Variants in C10orf90 observed in about 807,000 individuals in gnomAD.
C10orf90 encodes the protein chromosome 10 open reading frame 90, also known as (E2-independent) E3 ubiquitin-conjugating enzyme FATS.
In C10orf90, 56 loss-of-function variants were observed where a neutral mutation model predicts 62.5. The observed-to-expected ratio is 0.90, with a 90% CI of 0.72 to 1.12. The LOEUF (loss-of-function observed/expected upper bound fraction) is 1.12, where lower values mean the gene tolerates loss of function less well. Among genes scored for constraint, C10orf90 ranks in the 50% most tolerant of loss-of-function variants. The pLI is 0.00. For missense variants in C10orf90, 970 were observed against 880.4 expected (o/e 1.10, Z -1.29); for synonymous variants, 386 against 340.4 (o/e 1.13, Z -1.47).
At chr10:126,609,873 C>T (rs970398326) in intron 2 of C10orf90, among the ~76,000 whole-genome samples, 1 of 152,186 alleles carries the variant, frequency 6.6e-6, no homozygotes, top group Non-Finnish European at 1.5e-5. Context: ...TGTGATCTGA[C>T]TCCCAGTGTA....
intron 4 of C10orf90, among the ~76,000 whole-genome samples, chr10:126,468,311 C>T (rs1253934175): frequency 2.0e-5 from 3 of 152,190 alleles, no homozygotes; most frequent in Admixed American, 6.5e-5. Flanking sequence ...CCGTGATCTG[C>T]CTGCCTTGGC....
intron 2 of C10orf90, among the ~76,000 whole-genome samples, chr10:126,643,497 C>T (rs146035399): frequency 1.8e-3 from 268 of 152,336 alleles, no homozygotes; most frequent in African/African-American, 6.0e-3. Context: ...ACTAGCTCAT[C>T]ACCCCCAGGA....
At chr10:126,623,555 C>T (rs1295611370) in intron 2 of C10orf90, among the ~76,000 whole-genome samples, 1 of 152,098 alleles carries the variant, frequency 6.6e-6, no homozygotes. Context: ...ATGAGAGCTT[C>T]ATGAGGCTGG....
chr10:126,647,312 G>A (rs17155097), intron 1 of C10orf90, among the ~76,000 whole-genome samples: 3,578 of 152,282 alleles, frequency 0.023, 152 homozygotes, highest in African/African-American at 0.083. Flanking sequence ...GAGAGCAACT[G>A]TCCTGATGGT....
Position 126,504,260 on chromosome 10 carries a change from G to A in C10orf90, c.1231C>T (p.Pro411Ser). The A allele has an allele frequency of 6.2e-7, 1 of 1,614,150 alleles. No homozygotes were observed. Among genetic ancestry groups the A allele is most frequent in the Non-Finnish European group, 8.5e-7 (1 of 1,180,038 alleles). The change falls in exon 4 of 10, where the codon CCA (proline) becomes TCA (serine). Residue 411 changes from proline (P) to serine (S), a missense_variant. Pro to Ser is a moderately conservative substitution (Grantham distance 74). Coordinates refer to ENST00000488181, the MANE Select transcript of C10orf90 (RefSeq NM_001350921.2). The surrounding 1 kb of genome is among the most constrained non-coding windows in gnomAD (Gnocchi z 4.1). ...DGVDGLVNRE[P>S]ISEALKQELL... Reference sequence around the variant, plus strand: ...TCCTGCTTCAGGGCTTCGCTTATTGGCTCTCTGTTCACTAGGCCATCTACT... The same window carrying A: ...TCCTGCTTCAGGGCTTCGCTTATTGACTCTCTGTTCACTAGGCCATCTACT...
intron 2 of C10orf90, among the ~76,000 whole-genome samples, chr10:126,548,023 T>C (rs1458476835): frequency 1.3e-5 from 2 of 151,844 alleles, no homozygotes; most frequent in African/African-American, 4.8e-5. Flanking sequence ...ACCTACAAAT[T>C]TAAAAAGCTT....
chr10:126,443,543 AG>A (rs1046427592), intron 7 of C10orf90, among the ~76,000 whole-genome samples: 90 of 152,258 alleles, frequency 5.9e-4, no homozygotes, highest in African/African-American at 2.0e-3. Flanking sequence ...CAACACAGAA[AG>A]CCCAGGACCA....
chr10:126,494,857 G>A (rs1363073102), intron 4 of C10orf90, among the ~76,000 whole-genome samples: 1 of 152,224 alleles, frequency 6.6e-6, no homozygotes, highest in Non-Finnish European at 1.5e-5. Context: ...AGTGACAAAG[G>A]TTGTGTTCCC....
chr10:126,446,165 CT>C (rs200880811), intron 7 of C10orf90, among the ~76,000 whole-genome samples: 10 of 151,306 alleles, frequency 6.6e-5, no homozygotes, highest in East Asian at 3.9e-4. Context: ...AAAATAAAAT[CT>C]TTTTTTTTAA....
At chr10:126,577,598 C>T (rs1844653703) in intron 2 of C10orf90, among the ~76,000 whole-genome samples, 1 of 151,958 alleles carries the variant, frequency 6.6e-6, no homozygotes, top group Non-Finnish European at 1.5e-5. Context: ...TCCTTCTTTC[C>T]CAAGTTGATT....
At chr10:126,573,144 C>G (rs1844542104) in intron 2 of C10orf90, among the ~76,000 whole-genome samples, 1 of 152,118 alleles carries the variant, frequency 6.6e-6, no homozygotes, top group South Asian at 2.1e-4. Context: ...CAATTCCTGT[C>G]CCTTTTAAGG....
intron 2 of C10orf90, among the ~76,000 whole-genome samples, chr10:126,617,955 G>C (rs1845574589): frequency 6.6e-6 from 1 of 152,144 alleles, no homozygotes; most frequent in African/African-American, 2.4e-5. Flanking sequence ...GCTGGCTGTG[G>C]GCCATGGCTG....
intron 2 of C10orf90, among the ~76,000 whole-genome samples, chr10:126,597,408 C>T (rs150749858): frequency 2.0e-5 from 3 of 152,276 alleles, no homozygotes; most frequent in Non-Finnish European, 2.9e-5. Flanking sequence ...TGAGGAGCTG[C>T]GTGATTGGGG....
intron 2 of C10orf90, among the ~76,000 whole-genome samples, chr10:126,561,934 G>T (rs1055216835): frequency 2.0e-5 from 3 of 152,186 alleles, no homozygotes; most frequent in Non-Finnish European, 2.9e-5. Context: ...CAAAAGCTAT[G>T]ACCAGAAAGG....
chr10:126,526,444 C>T (rs1464432151), intron 2 of C10orf90, among the ~76,000 whole-genome samples: 3 of 152,054 alleles, frequency 2.0e-5, no homozygotes, highest in Non-Finnish European at 4.4e-5. Flanking sequence ...TGGGGTTTCA[C>T]CGTGTTAGCC....
At chr10:126,474,827 T>C (rs1384683572) in intron 4 of C10orf90, among the ~76,000 whole-genome samples, 3 of 152,190 alleles carry the variant, frequency 2.0e-5, no homozygotes, top group Admixed American at 1.3e-4. Flanking sequence ...CCTGTGAGGA[T>C]TCCACTCTGA....
chr10:126,429,644 G>A (rs1411845129), intron 8 of C10orf90, 143 bp downstream of exon 8: 22 of 647,420 alleles, frequency 3.4e-5, no homozygotes, highest in Admixed American at 2.3e-4. Flanking sequence ...TATTTTAGCC[G>A]TTTTTTCAGA....
At chr10:126,533,760 T>C (rs1864164630) in intron 2 of C10orf90, among the ~76,000 whole-genome samples, 1 of 152,204 alleles carries the variant, frequency 6.6e-6, no homozygotes, top group Admixed American at 6.5e-5. Context: ...AGAATACACA[T>C]CACGCTCACT....
intron 2 of C10orf90, among the ~76,000 whole-genome samples, chr10:126,547,483 C>T (rs1268410391): frequency 7.6e-6 from 1 of 130,814 alleles, no homozygotes; most frequent in Non-Finnish European, 1.6e-5. Flanking sequence ...GAACCAGAAA[C>T]ATCTTTAACT....
Sources: gnomAD v4.1 joint callset for allele counts (sites outside exome capture counted in the v4.1 genomes callset) on GRCh38, gnomAD v4.1.1 for gene constraint, Gnocchi (gnomAD v3.1) non-coding constraint, MANE v1.5 for transcripts, NCBI Gene and HGNC (gene_info 2026-07-23, HGNC 2026-07-21) for gene names.